The following ADCY2 variants were observed in gnomAD, a reference collection of about 807,000 sequenced individuals.
The protein encoded by ADCY2 is adenylate cyclase type 2.
Under a neutral mutation model 125.2 loss-of-function variants are expected in ADCY2, and 31 were observed. The ratio of observed to expected loss-of-function variants is 0.25; its 90% CI spans 0.19 to 0.33. The LOEUF (loss-of-function observed/expected upper bound fraction) is 0.33. Ranked by LOEUF, ADCY2 falls within the 10% of genes least tolerant of loss-of-function variation. ADCY2 has a pLI of 1.00. For synonymous variants in ADCY2, 512 were observed against 548.4 expected, an observed-to-expected ratio of 0.93 and a Z score of 0.93; for missense variants, 904 against 1,418.2, an observed-to-expected ratio of 0.64 and a Z score of 5.82.
intron 3 of ADCY2, among the ~76,000 whole-genome samples, chr5:7,588,139 AT>A: frequency 6.6e-6 from 1 of 152,098 alleles, no homozygotes; most frequent in Non-Finnish European, 1.5e-5. Flanking sequence ...AGCGTTCCTT[AT>A]TTCAGTAATA....
At chr5:7,752,532 G>A (rs536609876) in intron 15 of ADCY2, among the ~76,000 whole-genome samples, 2 of 151,580 alleles carry the variant, frequency 1.3e-5, no homozygotes, top group African/African-American at 2.4e-5. Flanking sequence ...TTCTCTTCAA[G>A]TGTCTCATCT....
At chr5:7,751,317 A>G (rs1370990126) in intron 15 of ADCY2, among the ~76,000 whole-genome samples, 1 of 152,092 alleles carries the variant, frequency 6.6e-6, no homozygotes, top group Non-Finnish European at 1.5e-5. Flanking sequence ...TCGTGGTGCT[A>G]ATTCGACTAC....
At chr5:7,756,680 G>A (rs558821126) in intron 15 of ADCY2, among the ~76,000 whole-genome samples, 1 of 152,280 alleles carries the variant, frequency 6.6e-6, no homozygotes, top group African/African-American at 2.4e-5. Context: ...GCTGGGAGGA[G>A]GGAGGAACGG....
At chr5:7,511,644 G>C (rs1297802843) in intron 2 of ADCY2, among the ~76,000 whole-genome samples, 1 of 149,388 alleles carries the variant, frequency 6.7e-6, no homozygotes, top group African/African-American at 2.6e-5. Context: ...AGGGAGATCA[G>C]GGGGATTCTC....
intron 4 of ADCY2, among the ~76,000 whole-genome samples, chr5:7,632,074 GCC>G: frequency 6.6e-6 from 1 of 152,110 alleles, no homozygotes; most frequent in African/African-American, 2.4e-5. Flanking sequence ...AGGAATTCAA[GCC>G]AGTGAGACTT....
intron 14 of ADCY2, among the ~76,000 whole-genome samples, chr5:7,728,830 G>T (rs753569679): frequency 3.3e-5 from 5 of 152,106 alleles, no homozygotes; most frequent in Non-Finnish European, 7.3e-5. Flanking sequence ...GCTGGGGATG[G>T]GGAGAGTGAC....
chr5:7,769,446 AAAT>A (rs1264197858), intron 17 of ADCY2, among the ~76,000 whole-genome samples: 1 of 152,206 alleles, frequency 6.6e-6, no homozygotes, highest in Non-Finnish European at 1.5e-5. Context: ...TAATTTTTAA[AAAT>A]AATACTACCA....
At chr5:7,760,526 A>T (rs1307203723) in intron 16 of ADCY2, among the ~76,000 whole-genome samples, 1 of 152,212 alleles carries the variant, frequency 6.6e-6, no homozygotes, top group Non-Finnish European at 1.5e-5. Flanking sequence ...AATTGAGCAC[A>T]CTTCCTGAGA....
At chr5:7,532,911 T>C (rs1734696684) in intron 3 of ADCY2, among the ~76,000 whole-genome samples, 1 of 151,770 alleles carries the variant, frequency 6.6e-6, no homozygotes, top group Admixed American at 6.6e-5. Context: ...TGGCCATGGG[T>C]CAGAGATGAT....
chr5:7,537,070 TCTCA>T (rs1734839950), intron 3 of ADCY2, among the ~76,000 whole-genome samples: 1 of 152,224 alleles, frequency 6.6e-6, no homozygotes, highest in Non-Finnish European at 1.5e-5. Context: ...TGATTAAAAG[TCTCA>T]CTGACTGTGT....
chr5:7,640,772 A>G (rs1738674446), intron 4 of ADCY2, among the ~76,000 whole-genome samples: 1 of 152,182 alleles, frequency 6.6e-6, no homozygotes, highest in South Asian at 2.1e-4. Flanking sequence ...TACCAATTTC[A>G]TGGTATTTCA....
rs150216491 is a variant in ADCY2 at position 7,546,519 on chromosome 5, G to A, written c.570+25620G>A. Among the ~76,000 whole-genome samples the A allele has an allele frequency of 2.2e-4, 33 of 152,312 alleles. No individual in the cohort carries two copies. In the East Asian group the frequency reaches 5.8e-3, roughly 27 times the overall value. On this transcript the variant is annotated intron_variant, in intron 3 of 24. Transcript: ENST00000338316. ...CAGAGCTGGATTCGGGGGCAGGCAT[G>A]TAGATGCCACCTCCTGCACCCACAG...
At chr5:7,593,949 T>C (rs1736926753) in intron 3 of ADCY2, among the ~76,000 whole-genome samples, 5 of 152,136 alleles carry the variant, frequency 3.3e-5, no homozygotes, top group Admixed American at 2.6e-4. Flanking sequence ...TTAAGAGAAC[T>C]CTAGGTACAA....
At chr5:7,428,875 G>A (rs1358927071) in intron 2 of ADCY2, among the ~76,000 whole-genome samples, 5 of 152,172 alleles carry the variant, frequency 3.3e-5, no homozygotes, top group Non-Finnish European at 5.9e-5. Flanking sequence ...GAGAGAGTCC[G>A]TGGGCTGTGA....
chr5:7,586,145 A>G (rs1736617073), intron 3 of ADCY2, among the ~76,000 whole-genome samples: 1 of 152,220 alleles, frequency 6.6e-6, no homozygotes, highest in Non-Finnish European at 1.5e-5. Flanking sequence ...TCCCTGTATC[A>G]TGACTGGTAG....
chr5:7,741,387 T>C (rs1742400415), intron 14 of ADCY2, among the ~76,000 whole-genome samples: 1 of 152,130 alleles, frequency 6.6e-6, no homozygotes, highest in Non-Finnish European at 1.5e-5. Flanking sequence ...AATGAGGTAA[T>C]AATACTAACT....
chr5:7,653,325 C>G (rs894106702), intron 4 of ADCY2, among the ~76,000 whole-genome samples: 1 of 152,170 alleles, frequency 6.6e-6, no homozygotes, highest in Non-Finnish European at 1.5e-5. Flanking sequence ...TTTGTTGAGA[C>G]TTTGAAGATG....
chr5:7,542,233 T>C (rs999985077), intron 3 of ADCY2, among the ~76,000 whole-genome samples: 2 of 152,132 alleles, frequency 1.3e-5, no homozygotes, highest in Non-Finnish European at 2.9e-5. Flanking sequence ...TTCTCAGAAC[T>C]CATGTGTTGA....
intron 22 of ADCY2, among the ~76,000 whole-genome samples, chr5:7,812,632 G>A (rs539819699): frequency 5.2e-4 from 79 of 152,326 alleles, no homozygotes; most frequent in African/African-American, 1.9e-3. Flanking sequence ...AGTTGGCTGG[G>A]TGCAGTGGCT....
Sources: allele counts gnomAD v4.1 joint callset (sites outside exome capture counted in the v4.1 genomes callset), GRCh38; gene constraint gnomAD v4.1.1; transcripts MANE v1.5; gene names NCBI Gene and HGNC (gene_info 2026-07-23, HGNC 2026-07-21).